Variants in ADAMTSL1 observed in about 807,000 individuals in gnomAD.
ADAMTSL1 encodes the protein ADAMTS like 1, also known as ADAMTS-like protein 1.
ADAMTSL1 carries 126 observed loss-of-function variants against 201.8 expected under a neutral mutation model. That is an observed-to-expected ratio of 0.62 (90% confidence interval 0.54 to 0.72). The LOEUF (loss-of-function observed/expected upper bound fraction) is 0.72, where lower values mean the gene tolerates loss of function less well. Ranked by LOEUF, ADAMTSL1 falls within the 30% of genes least tolerant of loss-of-function variation. The pLI, the probability that ADAMTSL1 is intolerant of heterozygous loss-of-function variation, is 0.00. For missense variants in ADAMTSL1, 2,679 were observed against 2,277.8 expected, an observed-to-expected ratio of 1.18 and a Z score of -3.59; for synonymous variants, 1,121 against 903.4, an observed-to-expected ratio of 1.24 and a Z score of -4.32.
intron 4 of ADAMTSL1, among the ~76,000 whole-genome samples, chr9:18,614,219 A>G (rs1825563038): frequency 6.6e-6 from 1 of 152,150 alleles, no homozygotes; most frequent in Admixed American, 6.6e-5. Context: ...AGTCCTGGCT[A>G]TGACTGCTAA....
At chr9:18,755,946 T>C (rs956631337) in intron 16 of ADAMTSL1, among the ~76,000 whole-genome samples, 7 of 150,956 alleles carry the variant, frequency 4.6e-5, no homozygotes, top group African/African-American at 1.7e-4. Flanking sequence ...TTGTGAAAAA[T>C]AGTCAAACAT....
chr9:18,190,901 A>T (rs1828943106), intron 2 of ADAMTSL1, among the ~76,000 whole-genome samples: 1 of 152,146 alleles, frequency 6.6e-6, no homozygotes, highest in Admixed American at 6.5e-5. Flanking sequence ...GTTTTGCTCC[A>T]TCGTACCCCT....
intron 2 of ADAMTSL1, among the ~76,000 whole-genome samples, chr9:18,196,354 G>A (rs959913903): frequency 2.6e-5 from 4 of 151,986 alleles, no homozygotes; most frequent in African/African-American, 9.7e-5. Flanking sequence ...TCGTAAAAGA[G>A]GAGTCCATGA....
intron 2 of ADAMTSL1, among the ~76,000 whole-genome samples, chr9:18,405,291 A>G (rs1329369585): frequency 6.6e-6 from 1 of 152,194 alleles, no homozygotes; most frequent in Non-Finnish European, 1.5e-5. Context: ...CCTCACCCTC[A>G]GCACAGCTGC....
At chr9:18,778,359 C>T (rs780830418) in intron 19 of ADAMTSL1, among the ~76,000 whole-genome samples, 3 of 152,230 alleles carry the variant, frequency 2.0e-5, no homozygotes, top group Non-Finnish European at 4.4e-5. Context: ...CCTGCTGTTT[C>T]CCATGGGTGA....
At chr9:18,206,348 G>T (rs1160465575) in intron 2 of ADAMTSL1, among the ~76,000 whole-genome samples, 1 of 152,070 alleles carries the variant, frequency 6.6e-6, no homozygotes, top group Non-Finnish European at 1.5e-5. Flanking sequence ...CCAGGGAGCT[G>T]GGTGTACTAG....
At chr9:18,343,427 G>A (rs1023897990) in intron 2 of ADAMTSL1, among the ~76,000 whole-genome samples, 6 of 152,080 alleles carry the variant, frequency 3.9e-5, no homozygotes, top group African/African-American at 1.2e-4. Flanking sequence ...GATCAATGAA[G>A]TGAGTATCAG....
rs541483546 is a variant in ADAMTSL1 at position 18,128,626 on chromosome 9, T to C, written c.88-35236T>C. On this transcript the variant is annotated intron_variant, in intron 1 of 29. Transcript: ENST00000680146. ...GTGCCTGGCCCGACAGTTTGAACTA[T>C]TGAGTATGGTACATGAATCCCCGTC... Among the ~76,000 whole-genome samples the C allele has an allele frequency of 9.9e-5, 15 of 152,282 alleles. No individual in the cohort carries two copies. The East Asian group carries it at 1.4e-3, about 14-fold the overall frequency.
At chr9:18,204,802 C>T (rs935686584) in intron 2 of ADAMTSL1, among the ~76,000 whole-genome samples, 3 of 151,972 alleles carry the variant, frequency 2.0e-5, no homozygotes, top group Admixed American at 1.3e-4. Context: ...TTGCCCTGGG[C>T]AATAACTGTA....
chr9:18,532,066 G>A (rs111468978), intron 2 of ADAMTSL1, among the ~76,000 whole-genome samples: 21 of 152,166 alleles, frequency 1.4e-4, no homozygotes, highest in African/African-American at 5.1e-4. Context: ...AAACTACTAG[G>A]TATTAGTATA....
At chr9:18,165,755 A>G (rs10963484) in intron 2 of ADAMTSL1, among the ~76,000 whole-genome samples, 24,406 of 151,910 alleles carry the variant, frequency 0.16, 2,232 homozygotes, top group East Asian at 0.24. Context: ...AAATTCTAAC[A>G]ATTTCTGTGG....
intron 23 of ADAMTSL1, among the ~76,000 whole-genome samples, chr9:18,870,265 G>C (rs1307888988): frequency 6.6e-6 from 1 of 152,102 alleles, no homozygotes; most frequent in South Asian, 2.1e-4. Context: ...CTCATTTCCT[G>C]TCTAGTGGTT....
chr9:18,715,536 G>A (rs1832870758), intron 14 of ADAMTSL1, among the ~76,000 whole-genome samples: 1 of 152,052 alleles, frequency 6.6e-6, no homozygotes, highest in Admixed American at 6.5e-5. Flanking sequence ...CAAGGGATGT[G>A]AAGGACCTCT....
chr9:18,135,106 G>A lies in ADAMTSL1; in HGVS notation c.88-28756G>A, dbSNP rs372797828. ...CACAATCTATCTCTGTTTCTTATCT[G>A]ACTGAGATATTTCAGTATTTGTAAT... On this transcript the variant is annotated intron_variant, in intron 1 of 29. Transcript: ENST00000680146. Among the ~76,000 whole-genome samples the A allele has an allele frequency of 3.3e-5, 5 of 152,224 alleles. No homozygotes were observed. The South Asian group carries it at 6.2e-4, about 19-fold the overall frequency.
intron 1 of ADAMTSL1, among the ~76,000 whole-genome samples, chr9:18,110,958 C>T (rs2131881090): frequency 6.6e-6 from 1 of 152,280 alleles, no homozygotes; most frequent in East Asian, 1.9e-4. Flanking sequence ...AAATACTCTT[C>T]ACACCTACCT....
chr9:18,503,006 A>G (rs1046941024), intron 1 of ADAMTSL1, among the ~76,000 whole-genome samples: 3 of 152,156 alleles, frequency 2.0e-5, no homozygotes, highest in African/African-American at 4.8e-5. Flanking sequence ...TTAAAAATGT[A>G]TGTTTATATT....
chr9:18,897,013 C>G (rs191917799), intron 26 of ADAMTSL1, among the ~76,000 whole-genome samples: 1 of 152,170 alleles, frequency 6.6e-6, no homozygotes, highest in Non-Finnish European at 1.5e-5. Flanking sequence ...GGGTAGCCAC[C>G]ATTTCTGTGC....
chr9:18,491,054 G>C (rs1334418191), intron 1 of ADAMTSL1, among the ~76,000 whole-genome samples: 1 of 152,178 alleles, frequency 6.6e-6, no homozygotes, highest in African/African-American at 2.4e-5. Flanking sequence ...AAAAAGAAGA[G>C]AAAGTGCTTT....
At chr9:18,003,430 C>G (rs1473530666) in intron 1 of ADAMTSL1, among the ~76,000 whole-genome samples, 2 of 152,092 alleles carry the variant, frequency 1.3e-5, no homozygotes, top group Non-Finnish European at 2.9e-5. Flanking sequence ...TGAAAGGAAT[C>G]TCTCCCGGCC....
Sources: gnomAD v4.1 joint callset for allele counts (sites outside exome capture counted in the v4.1 genomes callset) on GRCh38, gnomAD v4.1.1 for gene constraint, MANE v1.5 for transcripts, NCBI Gene and HGNC (gene_info 2026-07-23, HGNC 2026-07-21) for gene names.